LMBRD1: variants seen among roughly 807,000 people sequenced by gnomAD.
The protein encoded by LMBRD1 is lysosomal cobalamin transport escort protein LMBD1.
LMBRD1 carries 64 observed loss-of-function variants against 74.8 expected under a neutral mutation model. That is an observed-to-expected ratio of 0.86 (90% CI 0.70 to 1.05). The LOEUF (loss-of-function observed/expected upper bound fraction) is 1.05, where lower values mean the gene tolerates loss of function less well. LMBRD1 is among the 50% of genes least tolerant of loss of function. The probability of loss-of-function intolerance (pLI) is 0.00; values close to 1 mark genes in which losing one functional copy is unlikely to be tolerated. For missense variants in LMBRD1, 652 were observed against 645.9 expected, an observed-to-expected ratio of 1.01 and a Z score of -0.10; for synonymous variants, 204 against 216.3, an observed-to-expected ratio of 0.94 and a Z score of 0.50.
At chr6:69,678,740 C>T (rs182202258) in intron 14 of LMBRD1, among the ~76,000 whole-genome samples, 171 of 152,154 alleles carry the variant, frequency 1.1e-3, no homozygotes, top group Non-Finnish European at 1.9e-3. Context: ...CTCTTCTCAG[C>T]TTCAATAAGT....
In LMBRD1 at chr6:69,699,196, G is replaced by C. The variant is rs199650812; in HGVS notation, c.1189-4C>G. ...TACCTCTTCTGATTTTATATAACTGGAAAGAAAAGAGTGACAAAATTTCAG... is the reference window on the plus strand; with the variant it reads ...TACCTCTTCTGATTTTATATAACTGCAAAGAAAAGAGTGACAAAATTTCAG... On this transcript the variant is annotated splice_polypyrimidine_tract_variant and splice_region_variant and intron_variant, in intron 12 of 15. Coordinates refer to ENST00000649934, the MANE Select transcript of LMBRD1 (RefSeq NM_018368.4). The C allele has an allele frequency of 1.4e-5, 22 of 1,609,968 alleles. No individual in the cohort carries two copies. Among genetic ancestry groups the C allele is most frequent in the Non-Finnish European group, 1.9e-5 (22 of 1,177,024 alleles).
intron 7 of LMBRD1, among the ~76,000 whole-genome samples, chr6:69,719,639 A>G (rs1264826948): frequency 7.9e-5 from 12 of 152,166 alleles, no homozygotes; most frequent in Non-Finnish European, 1.5e-4. Flanking sequence ...TAAACATGTT[A>G]TTATATATAC....
chr6:69,742,544 C>T (rs1446287838), intron 5 of LMBRD1, among the ~76,000 whole-genome samples: 2 of 152,008 alleles, frequency 1.3e-5, no homozygotes, highest in Admixed American at 1.3e-4. Context: ...TATTATCTAG[C>T]CCATATCAAT....
chr6:69,795,518 A>G (rs189329307), intron 1 of LMBRD1, among the ~76,000 whole-genome samples: 141 of 152,370 alleles, frequency 9.3e-4, no homozygotes, highest in African/African-American at 3.2e-3. Flanking sequence ...TTATTAATTT[A>G]TAACTGCCAA....
chr6:69,791,802 T>C (rs1270920421), intron 1 of LMBRD1, among the ~76,000 whole-genome samples: 1 of 152,152 alleles, frequency 6.6e-6, no homozygotes, highest in African/African-American at 2.4e-5. Context: ...GAGACAGGAA[T>C]AATGCATGAT....
intron 9 of LMBRD1, among the ~76,000 whole-genome samples, chr6:69,709,717 G>T (rs1260774090): frequency 6.6e-6 from 1 of 152,032 alleles, no homozygotes; most frequent in Non-Finnish European, 1.5e-5. Flanking sequence ...CAGGTTGCAG[G>T]ATATAAGAGT....
At chr6:69,745,431 T>C (rs1458502233) in intron 5 of LMBRD1, among the ~76,000 whole-genome samples, 1 of 151,152 alleles carries the variant, frequency 6.6e-6, no homozygotes, top group Non-Finnish European at 1.5e-5. Flanking sequence ...GCTAATTTTT[T>C]GTATTTTTAG....
chr6:69,703,041 T>G (rs371856071), intron 9 of LMBRD1, among the ~76,000 whole-genome samples: 8 of 151,960 alleles, frequency 5.3e-5, no homozygotes, highest in Non-Finnish European at 8.8e-5. Flanking sequence ...AAGGAGAGAG[T>G]TGACGAGAGG....
chr6:69,742,471 G>A (rs150559067), intron 5 of LMBRD1, among the ~76,000 whole-genome samples: 24 of 152,196 alleles, frequency 1.6e-4, no homozygotes, highest in African/African-American at 5.8e-4. Context: ...GAGACAGCTA[G>A]CATCCTAGGA....
intron 14 of LMBRD1, among the ~76,000 whole-genome samples, chr6:69,695,794 C>T (rs1478739297): frequency 6.7e-6 from 1 of 148,720 alleles, no homozygotes; most frequent in African/African-American, 2.5e-5. Flanking sequence ...TTTGAGACAT[C>T]TCAAGTCAAC....
At chr6:69,785,646 C>T (rs924948631) in intron 2 of LMBRD1, among the ~76,000 whole-genome samples, 1 of 152,186 alleles carries the variant, frequency 6.6e-6, no homozygotes, top group Non-Finnish European at 1.5e-5. Context: ...GCAGCTCTAC[C>T]TCTAAAATAC....
intron 5 of LMBRD1, among the ~76,000 whole-genome samples, chr6:69,743,029 A>C (rs909636634): frequency 6.6e-6 from 1 of 152,186 alleles, no homozygotes; most frequent in Admixed American, 6.5e-5. Flanking sequence ...TTGTTGCCCC[A>C]GGTATGAAAT....
intron 6 of LMBRD1, among the ~76,000 whole-genome samples, chr6:69,740,103 C>CTCAATCAA (rs35451541): frequency 7.3e-5 from 11 of 151,576 alleles, no homozygotes; most frequent in South Asian, 2.1e-4. Context: ...AAGACTCCGT[C>CTCAATCAA]TCAATCAATC....
At chr6:69,680,801 T>C (rs1462482774) in intron 14 of LMBRD1, among the ~76,000 whole-genome samples, 1 of 152,104 alleles carries the variant, frequency 6.6e-6, no homozygotes, top group Non-Finnish European at 1.5e-5. Context: ...GATGCATGCA[T>C]ATATTTCCTA....
chr6:69,697,693 T>A, intron 13 of LMBRD1, 52 bp from the exon 14 acceptor site: 1 of 1,101,522 alleles, frequency 9.1e-7, no homozygotes, highest in Non-Finnish European at 1.4e-6. Flanking sequence ...ATAAATACAT[T>A]TGGATTTAAA....
rs1201505211 is a variant in LMBRD1, at chr6:69,674,188, C to A, written c.*1970G>T. 6.6e-6 allele frequency among the ~76,000 whole-genome samples: 1 copy of A among 152,168 alleles called. No homozygotes were observed. The highest frequency in any genetic ancestry group is 2.4e-5 in the African/African-American group (1 of 41,426). On this transcript the variant is annotated 3_prime_UTR_variant, in exon 16 of 16. Coordinates refer to ENST00000649934, the MANE Select transcript of LMBRD1 (RefSeq NM_018368.4). ...CATACACATTCTAGATGTCTCTCCC[C>A]CTTCTTATAAGAACACCAGTCATAT...
chr6:69,755,811 T>C (rs7775172), intron 3 of LMBRD1, among the ~76,000 whole-genome samples: 54,810 of 151,796 alleles, frequency 0.36, 10,473 homozygotes, highest in East Asian at 0.54. Context: ...ATAGGTGGAG[T>C]AAGATTTAGC....
chr6:69,751,287 T>C (rs1012006461), intron 4 of LMBRD1, among the ~76,000 whole-genome samples: 1 of 152,130 alleles, frequency 6.6e-6, no homozygotes, highest in Non-Finnish European at 1.5e-5. Context: ...GTTCTGAACA[T>C]GGATGTGTGC....
chr6:69,748,890 G>A (rs989597370), intron 5 of LMBRD1, among the ~76,000 whole-genome samples: 2 of 151,956 alleles, frequency 1.3e-5, no homozygotes, highest in African/African-American at 4.8e-5. Flanking sequence ...TCATCAAAGT[G>A]TTATTTATAA....
Sources: allele counts gnomAD v4.1 joint callset (sites outside exome capture counted in the v4.1 genomes callset), GRCh38; gene constraint gnomAD v4.1.1; transcripts MANE v1.5; gene names NCBI Gene and HGNC (gene_info 2026-07-23, HGNC 2026-07-21).